The following EPHA6 variants were observed in gnomAD, a reference collection of about 807,000 sequenced individuals.
EPHA6 encodes EPH receptor A6, also known as ephrin type-A receptor 6.
A neutral mutation model predicts 112.0 loss-of-function variants in EPHA6; 50 were observed. The observed-to-expected ratio is 0.45, with a 90% confidence interval of 0.36 to 0.56. The LOEUF (loss-of-function observed/expected upper bound fraction) is 0.56, where lower values mean the gene tolerates loss of function less well. Among genes scored for constraint, EPHA6 ranks in the 20% least tolerant of loss-of-function variants. EPHA6 has a pLI of 0.00. For missense variants in EPHA6, 1,280 were observed against 1,417.4 expected, an observed-to-expected ratio of 0.90 and a Z score of 1.56; for synonymous variants, 529 against 490.7, an observed-to-expected ratio of 1.08 and a Z score of -1.03.
At chr3:97,557,413 T>G (rs1256579709) in intron 11 of EPHA6, among the ~76,000 whole-genome samples, 3 of 151,994 alleles carry the variant, frequency 2.0e-5, no homozygotes, top group African/African-American at 7.2e-5. Context: ...GACAATTGCC[T>G]GCTTGTGTCC....
intron 3 of EPHA6, among the ~76,000 whole-genome samples, chr3:97,042,610 G>T (rs2045356168): frequency 6.6e-6 from 1 of 151,982 alleles, no homozygotes; most frequent in South Asian, 2.1e-4. Context: ...GACTCTCTTA[G>T]GACTCAATGC....
chr3:97,233,309 C>CAAAAAA (rs55764447), intron 4 of EPHA6, among the ~76,000 whole-genome samples: 1 of 86,516 alleles, frequency 1.2e-5, no homozygotes. Context: ...ACAATGTATG[C>CAAAAAA]AAAAAAAAAA....
intron 5 of EPHA6, among the ~76,000 whole-genome samples, chr3:97,314,773 C>T (rs2081734139): frequency 1.3e-5 from 2 of 151,448 alleles, no homozygotes; most frequent in Non-Finnish European, 3.0e-5. Flanking sequence ...TGAAGATGGT[C>T]AAAATTAGAT....
intron 6 of EPHA6, among the ~76,000 whole-genome samples, chr3:97,438,092 T>A (rs2089950595): frequency 6.6e-6 from 1 of 152,184 alleles, no homozygotes; most frequent in Non-Finnish European, 1.5e-5. Flanking sequence ...ATGAAGGCAT[T>A]TTCTTCAGGG....
rs192116654 is a variant in EPHA6 at position 97,241,795 on chromosome 3, C to T, written c.1271-2157C>T. Among the ~76,000 whole-genome samples the T allele has an allele frequency of 3.8e-3, 510 of 135,880 alleles. 1 individual carries two copies. Among genetic ancestry groups the T allele is most frequent in the Non-Finnish European group, 5.7e-3 (368 of 64,284 alleles). 89.1% of individuals were successfully genotyped at this position (135,880 alleles called of 152,430 possible). On this transcript the variant is annotated intron_variant, in intron 4 of 17. Coordinates refer to ENST00000389672, the MANE Select transcript of EPHA6 (RefSeq NM_001080448.3). The stretch of plus-strand genomic sequence containing the variant: ...TGTTTTTTTTTTTAGTATCTGCAGG[C>T]GGACAGTTATATACTTATAGACACC...
chr3:97,741,415 T>C (rs942275406), intron 16 of EPHA6, among the ~76,000 whole-genome samples: 2 of 152,064 alleles, frequency 1.3e-5, no homozygotes, highest in Non-Finnish European at 2.9e-5. Context: ...ATCTTTATAA[T>C]ATAATGTCAA....
intron 3 of EPHA6, among the ~76,000 whole-genome samples, chr3:97,213,948 A>C (rs1055985956): frequency 6.6e-6 from 1 of 151,310 alleles, no homozygotes; most frequent in African/African-American, 2.4e-5. Context: ...AATTGGAATT[A>C]GTACCAGTAC....
chr3:97,456,047 G>A (rs949254436), intron 7 of EPHA6, among the ~76,000 whole-genome samples: 10 of 152,068 alleles, frequency 6.6e-5, no homozygotes, highest in African/African-American at 9.6e-5. Flanking sequence ...TAAAATGTGC[G>A]TATCAAAGGG....
intron 11 of EPHA6, among the ~76,000 whole-genome samples, 199 bp downstream of exon 11, chr3:97,532,742 A>G (rs971808426): frequency 1.3e-5 from 2 of 152,034 alleles, no homozygotes; most frequent in Non-Finnish European, 2.9e-5. Context: ...TTGACATGGT[A>G]TTACCTGCAA....
At chr3:97,290,933 T>C (rs2080658781) in intron 5 of EPHA6, among the ~76,000 whole-genome samples, 2 of 152,094 alleles carry the variant, frequency 1.3e-5, no homozygotes, top group African/African-American at 4.8e-5. Context: ...CCATTTAGGG[T>C]TTAATGTATT....
At chr3:97,690,058 T>G (rs1171095171) in intron 14 of EPHA6, among the ~76,000 whole-genome samples, 5 of 152,258 alleles carry the variant, frequency 3.3e-5, no homozygotes, top group African/African-American at 9.6e-5. Flanking sequence ...TTGTTTCTGT[T>G]TTTTGGCTGT....
rs541351762 is a variant in EPHA6 at position 97,740,818 on chromosome 3, C to T, written c.3128+4700C>T. On this transcript the variant is annotated intron_variant, in intron 16 of 17. Transcript: ENST00000389672. ...ATTTTGAGAAGATTTTGTTCAATGC[C>T]ACATAGGCAATACATAATCAGCATT... Among the ~76,000 whole-genome samples the T allele has an allele frequency of 6.6e-5, 10 of 152,176 alleles. No homozygotes were observed. In the South Asian group the frequency reaches 1.5e-3, roughly 22 times the overall value.
chr3:97,728,294 G>T (rs924964797), intron 15 of EPHA6, among the ~76,000 whole-genome samples: 1 of 151,876 alleles, frequency 6.6e-6, no homozygotes, highest in Non-Finnish European at 1.5e-5. Context: ...TTGGGAAATG[G>T]CACTAAGTCT....
chr3:97,658,572 G>A (rs751687435), intron 14 of EPHA6, among the ~76,000 whole-genome samples: 1 of 151,830 alleles, frequency 6.6e-6, no homozygotes, highest in Non-Finnish European at 1.5e-5. Flanking sequence ...AGTCAATGGG[G>A]TTTTAAGGCA....
chr3:97,297,999 T>C, intron 5 of EPHA6, among the ~76,000 whole-genome samples: 1 of 152,164 alleles, frequency 6.6e-6, no homozygotes. Context: ...CTTGACCTCA[T>C]GGTCTGCCCA....
chr3:96,902,773 C>A (rs1293434530), intron 2 of EPHA6, among the ~76,000 whole-genome samples: 1 of 152,080 alleles, frequency 6.6e-6, no homozygotes, highest in East Asian at 1.9e-4. Context: ...CTACCGGGAT[C>A]TTTTATTGAC....
chr3:97,378,022 G>A (rs1026825836), intron 5 of EPHA6, among the ~76,000 whole-genome samples: 1 of 152,188 alleles, frequency 6.6e-6, no homozygotes, highest in Non-Finnish European at 1.5e-5. Context: ...AAGACAATGG[G>A]GAAAATGTCT....
In EPHA6 at chr3:96,854,041, A is replaced by T. The variant is rs556162019; in HGVS notation, c.386-12784A>T. ...GTTTTTTGTTTGTGTTCTCTCAGTT[A>T]TGTGTATCTAGTTATTATAAATTCC... On this transcript the variant is annotated intron_variant, in intron 1 of 17. Coordinates refer to ENST00000389672, the MANE Select transcript of EPHA6 (RefSeq NM_001080448.3). Among the ~76,000 whole-genome samples the T allele has an allele frequency of 2.6e-5, 4 of 151,888 alleles. No homozygotes were observed. The South Asian group carries it at 8.3e-4, about 32-fold the overall frequency.
chr3:97,615,901 G>C (rs1420602668), intron 13 of EPHA6, among the ~76,000 whole-genome samples: 1 of 152,118 alleles, frequency 6.6e-6, no homozygotes, highest in East Asian at 1.9e-4. Flanking sequence ...ACAGCTTCCG[G>C]GCTTTGGAGA....
Sources: gnomAD v4.1 joint callset for allele counts (sites outside exome capture counted in the v4.1 genomes callset) on GRCh38, gnomAD v4.1.1 for gene constraint, MANE v1.5 for transcripts, NCBI Gene and HGNC (gene_info 2026-07-23, HGNC 2026-07-21) for gene names.